FAAH2: variants seen among roughly 807,000 people sequenced by gnomAD.
FAAH2 encodes fatty acid amide hydrolase 2.
FAAH2 carries 60 observed loss-of-function variants against 36.9 expected under a neutral mutation model. That is an observed-to-expected ratio of 1.63 (90% confidence interval 1.32 to 2.02). The LOEUF is 2.02. Ranked by LOEUF, FAAH2 falls within the 30% of genes most tolerant of loss-of-function variation. FAAH2 has a pLI of 0.00. For synonymous variants in FAAH2, 214 were observed against 143.8 expected (o/e 1.49, Z -3.49); for missense variants, 689 against 397.5 (o/e 1.73, Z -6.23).
Position 57,385,631 on chromosome X carries a change from C to G in FAAH2, c.996+4602C>G, listed in dbSNP as rs867074850. Among the ~76,000 whole-genome samples, 15 of 112,137 alleles carry G rather than the reference C, an allele frequency of 1.3e-4. No homozygotes were observed. In the Middle Eastern group the frequency reaches 0.014, roughly 103 times the overall value. On this transcript the variant is annotated intron_variant, in intron 7 of 10. Coordinates refer to ENST00000374900, the MANE Select transcript of FAAH2 (RefSeq NM_174912.4). The stretch of plus-strand genomic sequence containing the variant: ...GCCTAATCACTTCTTTAGGGCCCCC[C>G]TCTTAATAATAATGCATTAGCAACA...
chrX:57,467,462 C>A lies in FAAH2; in HGVS notation c.1423+18744C>A, dbSNP rs143904938. On this transcript the variant is annotated intron_variant, in intron 10 of 10. Transcript: ENST00000374900. ...CACACCAGGAGATTATATCCTGCAC[C>A]TGGCTCAGAGGGTCCTACACCCATG... Among the ~76,000 whole-genome samples the A allele has an allele frequency of 1.9e-4, 21 of 112,041 alleles. 1 individual carries two copies. The highest frequency in any genetic ancestry group is 2.6e-4 in the Non-Finnish European group (14 of 53,153).
chrX:57,163,560 G>A, the FAAH2 span, among the ~76,000 whole-genome samples: 4 of 111,977 alleles, frequency 3.6e-5, no homozygotes, highest in African/African-American at 1.3e-4. Flanking sequence ...ATATAATCTC[G>A]TGGTGCGCCG....
At chrX:57,479,479 T>C (rs949589882) in intron 10 of FAAH2, among the ~76,000 whole-genome samples, 1 of 111,255 alleles carries the variant, frequency 9.0e-6, no homozygotes, top group Non-Finnish European at 1.9e-5. Flanking sequence ...AATGCCCTTT[T>C]TTTCCTTCCC....
chrX:57,177,641 G>GA, the FAAH2 span, among the ~76,000 whole-genome samples: 88 of 55,654 alleles, frequency 1.6e-3, 1 homozygote, highest in Admixed American at 3.6e-3. Flanking sequence ...CCTGATGACT[G>GA]AAAAAAAAAA....
At chrX:57,219,402 C>T in the FAAH2 span, among the ~76,000 whole-genome samples, 1 of 111,844 alleles carries the variant, frequency 8.9e-6, no homozygotes, top group African/African-American at 3.3e-5. Context: ...AAGAGCAGGC[C>T]ACAGCAGCTG....
At chrX:57,212,133 A>G in the FAAH2 span, among the ~76,000 whole-genome samples, 1 of 111,550 alleles carries the variant, frequency 9.0e-6, no homozygotes, top group Non-Finnish European at 1.9e-5. Flanking sequence ...TGGGGAGCTG[A>G]TGTGGCAGAA....
chrX:57,370,020 A>G (rs1864650660), intron 5 of FAAH2, among the ~76,000 whole-genome samples: 1 of 111,652 alleles, frequency 9.0e-6, no homozygotes, highest in African/African-American at 3.3e-5. Flanking sequence ...TAAGCTTTTC[A>G]TGTAAGCCCT....
At chrX:57,280,972 T>C in the FAAH2 span, among the ~76,000 whole-genome samples, 9 of 111,738 alleles carry the variant, frequency 8.1e-5, no homozygotes, top group East Asian at 2.8e-4. Context: ...CAAACCCCAA[T>C]TGGTTACAAT....
chrX:57,403,819 G>T (rs1334560910), intron 7 of FAAH2, among the ~76,000 whole-genome samples: 2 of 112,331 alleles, frequency 1.8e-5, no homozygotes, highest in African/African-American at 3.2e-5. Flanking sequence ...TCAGACATTT[G>T]TATGGTAATT....
At chrX:57,409,459 G>T (rs1370957991) in intron 7 of FAAH2, among the ~76,000 whole-genome samples, 3 of 111,316 alleles carry the variant, frequency 2.7e-5, no homozygotes, top group Non-Finnish European at 5.7e-5. Context: ...AGAGTTTGAA[G>T]ATCGTCATTA....
rs1367471744 is a variant in FAAH2 at position 57,372,355 on chromosome X, A to G, written c.743-6296A>G. Among the ~76,000 whole-genome samples, 3 of 111,016 alleles carry G rather than the reference A, an allele frequency of 2.7e-5. No individual in the cohort carries two copies. In the Admixed American group the frequency reaches 2.9e-4, roughly 11 times the overall value. On this transcript the variant is annotated intron_variant, in intron 5 of 10. Transcript: ENST00000374900. ...TAATAGCCATTCTGACTGGTGTGAG[A>G]TGGTATTTCTTGGTGGTTTTAATTT... is the stretch of plus-strand genomic sequence containing the variant.
intron 3 of FAAH2, among the ~76,000 whole-genome samples, chrX:57,326,416 T>C (rs778614512): frequency 1.7e-3 from 189 of 114,361 alleles, no homozygotes; most frequent in Non-Finnish European, 2.5e-3. Flanking sequence ...GTCTCGTTGA[T>C]CTGTCTAATG....
At chrX:57,154,202 AAGTTGTCATTATTTTTATTTAT>A in the FAAH2 span, among the ~76,000 whole-genome samples, 1 of 108,630 alleles carries the variant, frequency 9.2e-6, no homozygotes, top group African/African-American at 3.4e-5. Context: ...TTATTTCCTG[AAGTTGTCATTATTTTTATTTAT>A]GCTATCTATT....
At chrX:57,345,764 T>A (rs1316805898) in intron 5 of FAAH2, among the ~76,000 whole-genome samples, 1 of 111,552 alleles carries the variant, frequency 9.0e-6, no homozygotes, top group Non-Finnish European at 1.9e-5. Flanking sequence ...GCTTTTAACA[T>A]CTTAAACTTT....
chrX:57,259,118 G>C, the FAAH2 span, among the ~76,000 whole-genome samples: 1 of 111,438 alleles, frequency 9.0e-6, no homozygotes, highest in Non-Finnish European at 1.9e-5. Flanking sequence ...TGAAAATGTA[G>C]TGAAAACAGA....
At chrX:57,228,255 G>A in the FAAH2 span, among the ~76,000 whole-genome samples, 1 of 111,249 alleles carries the variant, frequency 9.0e-6, no homozygotes, top group South Asian at 3.9e-4. Context: ...CCCTCCTGAT[G>A]GATCCCTGTG....
At chrX:57,216,560 A>C in the FAAH2 span, among the ~76,000 whole-genome samples, 1 of 45,234 alleles carries the variant, frequency 2.2e-5, no homozygotes, top group South Asian at 1.1e-3. Context: ...GTATATATAT[A>C]TATACGTATA....
rs758385008 is a variant in FAAH2 at position 57,448,739 on chromosome X, C to T, written c.1423+21C>T. ...CACAGGTACCTAATTGTATTCCTTACATTCTGTAATCTTAAAGAAATAGAG... is the reference window on the plus strand; with the variant it reads ...CACAGGTACCTAATTGTATTCCTTATATTCTGTAATCTTAAAGAAATAGAG... On this transcript the variant is annotated intron_variant, in intron 10 of 10. Transcript: ENST00000374900. The T allele has an allele frequency of 4.3e-6, 5 of 1,152,204 alleles. No individual in the cohort carries two copies. The Admixed American group carries it at 1.2e-4, about 28-fold the overall frequency. 95.0% of individuals were successfully genotyped at this position (1,152,204 alleles called of 1,213,427 possible).
chrX:57,156,587 G>C, the FAAH2 span, among the ~76,000 whole-genome samples: 1 of 112,242 alleles, frequency 8.9e-6, no homozygotes, highest in South Asian at 3.7e-4. Context: ...GGTGACTGTA[G>C]CGATTTCAGC....
Sources: gnomAD v4.1 joint callset for allele counts (sites outside exome capture counted in the v4.1 genomes callset) on GRCh38, gnomAD v4.1.1 for gene constraint, MANE v1.5 for transcripts, NCBI Gene and HGNC (gene_info 2026-07-23, HGNC 2026-07-21) for gene names.